Variants in PDE11A observed in about 807,000 individuals in gnomAD.
PDE11A encodes the protein dual 3',5'-cyclic-AMP and -GMP phosphodiesterase 11A.
Under a neutral mutation model 100.5 loss-of-function variants are expected in PDE11A, and 100 were observed. The observed-to-expected ratio is 1.00, with a 90% CI of 0.85 to 1.18. PDE11A has a LOEUF of 1.18. Among genes scored for constraint, PDE11A ranks in the 50% most tolerant of loss-of-function variants. The pLI is 0.00. For synonymous variants in PDE11A, 381 were observed against 420.8 expected, an observed-to-expected ratio of 0.91 and a Z score of 1.16; for missense variants, 1,141 against 1,152.6, an observed-to-expected ratio of 0.99 and a Z score of 0.15.
chr2:177,823,011 A>G (rs192226624), intron 6 of PDE11A, among the ~76,000 whole-genome samples: 109 of 152,270 alleles, frequency 7.2e-4, no homozygotes, highest in Non-Finnish European at 1.3e-3. Context: ...TGATCACGTC[A>G]TCTTATCCTT....
At chr2:178,023,042 A>G (rs1024328793) in intron 1 of PDE11A, among the ~76,000 whole-genome samples, 2 of 152,222 alleles carry the variant, frequency 1.3e-5, no homozygotes, top group African/African-American at 4.8e-5. Context: ...AGACAAAGTC[A>G]CAAGGCCAAA....
intron 19 of PDE11A, among the ~76,000 whole-genome samples, chr2:177,643,319 G>A (rs1317513400): frequency 6.6e-6 from 1 of 152,178 alleles, no homozygotes; most frequent in Non-Finnish European, 1.5e-5. Context: ...TATGGACAAT[G>A]AAATCCAGGC....
intron 2 of PDE11A, among the ~76,000 whole-genome samples, chr2:178,094,419 C>G (rs2087462516): frequency 6.6e-6 from 1 of 152,078 alleles, no homozygotes; most frequent in African/African-American, 2.4e-5. Flanking sequence ...GGGGTCCCAG[C>G]TACTCAGGAG....
At chr2:177,826,653 T>C (rs1283949233) in intron 6 of PDE11A, among the ~76,000 whole-genome samples, 1 of 152,256 alleles carries the variant, frequency 6.6e-6, no homozygotes, top group African/African-American at 2.4e-5. Context: ...TTTTCTCCAC[T>C]GCCCATGCAG....
intron 2 of PDE11A, among the ~76,000 whole-genome samples, chr2:178,005,186 G>A (rs1473634813): frequency 5.3e-5 from 8 of 151,710 alleles, no homozygotes; most frequent in African/African-American, 1.7e-4. Flanking sequence ...CTGTTGAAGA[G>A]TCAGTCACAA....
intron 1 of PDE11A, among the ~76,000 whole-genome samples, chr2:178,020,405 A>G (rs1229607971): frequency 6.6e-6 from 1 of 152,210 alleles, no homozygotes; most frequent in Admixed American, 6.5e-5. Flanking sequence ...AGACACTGGG[A>G]TGCTTTAGCA....
At chr2:177,915,461 G>T (rs2084939431) in intron 2 of PDE11A, among the ~76,000 whole-genome samples, 1 of 152,144 alleles carries the variant, frequency 6.6e-6, no homozygotes, top group African/African-American at 2.4e-5. Flanking sequence ...ATCCTTTTCA[G>T]ATTGGCTTCT....
chr2:177,859,541 C>T (rs557736258), intron 5 of PDE11A, among the ~76,000 whole-genome samples: 3 of 152,030 alleles, frequency 2.0e-5, no homozygotes, highest in African/African-American at 7.2e-5. Context: ...CCTTCAACAT[C>T]TCACTTTCTA....
chr2:177,858,157 T>G lies in PDE11A; in HGVS notation c.1367+17702A>C, dbSNP rs1050629055. On this transcript the variant is annotated intron_variant, in intron 5 of 19. Transcript: ENST00000286063. Reference sequence around the variant, plus strand: ...ACCATAAAAACCCTAGAAGAAAACCTAGGCAATACCATTCAGGACATAGGC... The same window carrying G: ...ACCATAAAAACCCTAGAAGAAAACCGAGGCAATACCATTCAGGACATAGGC... Among the ~76,000 whole-genome samples the G allele has an allele frequency of 2.6e-5, 4 of 152,018 alleles. No homozygotes were observed. The East Asian group carries it at 7.7e-4, about 29-fold the overall frequency.
intron 4 of PDE11A, among the ~76,000 whole-genome samples, chr2:177,897,270 T>C (rs1435155926): frequency 6.6e-6 from 1 of 152,206 alleles, no homozygotes; most frequent in African/African-American, 2.4e-5. Context: ...TGATTATTAT[T>C]TCAATATTGT....
chr2:177,825,951 G>GT (rs2105595642), intron 6 of PDE11A, among the ~76,000 whole-genome samples: 1 of 152,216 alleles, frequency 6.6e-6, no homozygotes, highest in South Asian at 2.1e-4. Context: ...TTCAAAATTT[G>GT]TAAGGAGTTT....
At chr2:177,755,392 C>T (rs1204077908) in intron 10 of PDE11A, among the ~76,000 whole-genome samples, 3 of 152,162 alleles carry the variant, frequency 2.0e-5, no homozygotes, top group Admixed American at 6.5e-5. Flanking sequence ...CTAGACATTA[C>T]GAAGAGGCTC....
At chr2:177,806,740 C>T (rs375240643) in intron 9 of PDE11A, among the ~76,000 whole-genome samples, 1 of 151,782 alleles carries the variant, frequency 6.6e-6, no homozygotes. Context: ...TACGAAATAA[C>T]AATTATAAAG....
intron 4 of PDE11A, among the ~76,000 whole-genome samples, chr2:177,881,952 A>G (rs749857560): frequency 5.3e-5 from 8 of 152,252 alleles, no homozygotes; most frequent in Non-Finnish European, 1.0e-4. Context: ...TAATGTATTA[A>G]TATTCCCATG....
chr2:177,953,707 G>C (rs1227085834), intron 2 of PDE11A, among the ~76,000 whole-genome samples: 1 of 152,004 alleles, frequency 6.6e-6, no homozygotes, highest in Non-Finnish European at 1.5e-5. Flanking sequence ...TCTCAGGAAT[G>C]CATTCTCATC....
rs1360517488 is a variant in PDE11A, at chr2:177,956,263, A to ATAT, written c.1072-51077_1072-51076insATA. Reference sequence around the variant, plus strand: ...AAGTGGGCGAAGGATATGAACAGACACTTCTCAAAAGAAGATATTTATGCA... The same window carrying ATAT: ...AAGTGGGCGAAGGATATGAACAGACATATCTTCTCAAAAGAAGATATTTATGCA... On this transcript the variant is annotated intron_variant, in intron 2 of 19. Coordinates refer to ENST00000286063, the MANE Select transcript of PDE11A (RefSeq NM_016953.4). Among the ~76,000 whole-genome samples the ATAT allele has an allele frequency of 8.5e-5, 13 of 152,334 alleles. No homozygotes were observed. The East Asian group carries it at 2.3e-3, about 27-fold the overall frequency.
At chr2:178,046,242 C>A (rs1030171119) in intron 1 of PDE11A, among the ~76,000 whole-genome samples, 4 of 152,136 alleles carry the variant, frequency 2.6e-5, no homozygotes, top group Non-Finnish European at 5.9e-5. Flanking sequence ...GATATGAGCT[C>A]TTCACCTGTG....
intron 3 of PDE11A, among the ~76,000 whole-genome samples, chr2:177,901,038 C>G (rs2084686734): frequency 6.6e-6 from 1 of 152,146 alleles, no homozygotes; most frequent in African/African-American, 2.4e-5. Flanking sequence ...AGCCCTTTCC[C>G]AAACAAACCT....
intron 10 of PDE11A, among the ~76,000 whole-genome samples, chr2:177,742,203 A>G (rs758541665): frequency 3.9e-5 from 6 of 151,970 alleles, no homozygotes; most frequent in Non-Finnish European, 7.4e-5. Context: ...TACTATGCCT[A>G]GGTTCCTATC....
Sources: gnomAD v4.1 joint callset for allele counts (sites outside exome capture counted in the v4.1 genomes callset) on GRCh38, gnomAD v4.1.1 for gene constraint, MANE v1.5 for transcripts, NCBI Gene and HGNC (gene_info 2026-07-23, HGNC 2026-07-21) for gene names.